MTUS2: variants seen among roughly 807,000 people sequenced by gnomAD.
The protein encoded by MTUS2 is microtubule-associated tumor suppressor candidate 2.
In MTUS2, 40 loss-of-function variants were observed where a neutral mutation model predicts 114.1. That is an observed-to-expected ratio of 0.35 (90% CI 0.27 to 0.46). MTUS2 has a LOEUF of 0.46. Among genes scored for constraint, MTUS2 ranks in the 20% least tolerant of loss-of-function variants. The pLI is 1.00. For missense variants in MTUS2, 1,679 were observed against 1,705.4 expected, an observed-to-expected ratio of 0.98 and a Z score of 0.27; for synonymous variants, 688 against 672.0, an observed-to-expected ratio of 1.02 and a Z score of -0.37.
At chr13:29,061,587 C>T (rs1489693108) in intron 4 of MTUS2, among the ~76,000 whole-genome samples, 4 of 46,720 alleles carry the variant, frequency 8.6e-5, no homozygotes, top group Non-Finnish European at 1.7e-4. Flanking sequence ...GCTGCCTTGA[C>T]CTCCCCAAAC....
At chr13:29,007,128 G>T (rs1196967102) in intron 2 of MTUS2, among the ~76,000 whole-genome samples, 1 of 152,024 alleles carries the variant, frequency 6.6e-6, no homozygotes, top group Non-Finnish European at 1.5e-5. Flanking sequence ...AAATCACAAG[G>T]TAGATTTTTT....
chr13:29,132,100 G>T (rs1453276767), intron 5 of MTUS2, among the ~76,000 whole-genome samples: 1 of 152,212 alleles, frequency 6.6e-6, no homozygotes, highest in Non-Finnish European at 1.5e-5. Flanking sequence ...CAGAACTCTG[G>T]AATGAGTACG....
At chr13:29,238,180 C>G (rs565989933) in intron 5 of MTUS2, among the ~76,000 whole-genome samples, 2 of 152,030 alleles carry the variant, frequency 1.3e-5, no homozygotes, top group Non-Finnish European at 2.9e-5. Flanking sequence ...TTGACAGATA[C>G]GTGAATTAAA....
chr13:29,395,995 C>A (rs1873889020), intron 8 of MTUS2, among the ~76,000 whole-genome samples: 1 of 152,144 alleles, frequency 6.6e-6, no homozygotes, highest in Admixed American at 6.5e-5. Flanking sequence ...CAATTTTGGG[C>A]TTCATGAAAC....
At chr13:29,261,563 A>C (rs964142280) in intron 5 of MTUS2, among the ~76,000 whole-genome samples, 11 of 152,224 alleles carry the variant, frequency 7.2e-5, no homozygotes, top group African/African-American at 2.4e-4. Flanking sequence ...AACAGAAAAA[A>C]TCCAAGCTAC....
chr13:29,225,429 G>A (rs1259661001), intron 5 of MTUS2, among the ~76,000 whole-genome samples: 10 of 152,080 alleles, frequency 6.6e-5, no homozygotes, highest in East Asian at 1.9e-4. Context: ...CTATCACAAC[G>A]GGGCAATTGT....
intron 8 of MTUS2, among the ~76,000 whole-genome samples, chr13:29,399,885 G>A (rs1874194287): frequency 6.6e-6 from 1 of 152,182 alleles, no homozygotes; most frequent in African/African-American, 2.4e-5. Context: ...AGTTAAAAAG[G>A]AATAATGAAG....
intron 5 of MTUS2, among the ~76,000 whole-genome samples, chr13:29,180,103 CTT>C (rs1157228809): frequency 6.6e-6 from 1 of 152,144 alleles, no homozygotes; most frequent in East Asian, 1.9e-4. Flanking sequence ...TTTTTAATGA[CTT>C]TGAATATTTC....
chr13:29,181,802 G>A (rs1206343248), intron 5 of MTUS2, among the ~76,000 whole-genome samples: 3 of 151,664 alleles, frequency 2.0e-5, no homozygotes, highest in African/African-American at 4.9e-5. Flanking sequence ...GTGTGTGTGT[G>A]TGTGTGTGTG....
intron 5 of MTUS2, among the ~76,000 whole-genome samples, chr13:29,193,749 A>C (rs988860987): frequency 1.3e-5 from 2 of 152,124 alleles, no homozygotes; most frequent in African/African-American, 4.8e-5. Context: ...ACTACTTTAA[A>C]GTTCATGTGG....
At chr13:28,892,527 T>C (rs1878993610) in intron 2 of MTUS2, among the ~76,000 whole-genome samples, 1 of 152,204 alleles carries the variant, frequency 6.6e-6, no homozygotes, top group Admixed American at 6.5e-5. Flanking sequence ...TTACCCACAT[T>C]ATTAAAAAAA....
intron 5 of MTUS2, among the ~76,000 whole-genome samples, chr13:29,244,449 G>C (rs1386751834): frequency 1.3e-5 from 2 of 152,090 alleles, no homozygotes; most frequent in Non-Finnish European, 2.9e-5. Context: ...AGAAGCAAGT[G>C]AGGGCAGAGG....
intron 7 of MTUS2, among the ~76,000 whole-genome samples, chr13:29,333,846 A>G (rs1384745341): frequency 1.3e-5 from 2 of 152,138 alleles, no homozygotes; most frequent in Non-Finnish European, 2.9e-5. Flanking sequence ...GTCTCTAAGA[A>G]CTTATTTTAT....
intron 2 of MTUS2, among the ~76,000 whole-genome samples, chr13:28,848,325 T>C (rs564042522): frequency 4.6e-5 from 7 of 152,326 alleles, no homozygotes; most frequent in Admixed American, 4.6e-4. Flanking sequence ...GCCCCTTTTC[T>C]CCATCCTTCC....
At chr13:29,281,964 G>T in intron 6 of MTUS2, 99 bp downstream of exon 6, 1 of 1,283,154 alleles carries the variant, frequency 7.8e-7, no homozygotes, top group Non-Finnish European at 1.1e-6. Context: ...TTATTTAGAA[G>T]GGATGATTGA....
chr13:29,250,642 G>A (rs944624148), intron 5 of MTUS2: 2 of 151,930 alleles, frequency 1.3e-5, no homozygotes, highest in Admixed American at 6.6e-5. Flanking sequence ...ATTTCACAGG[G>A]GAGAGGGAAT....
At chr13:29,448,117 G>A (rs1325085293) in intron 9 of MTUS2, among the ~76,000 whole-genome samples, 1 of 152,146 alleles carries the variant, frequency 6.6e-6, no homozygotes, top group Non-Finnish European at 1.5e-5. Context: ...TGACATCACA[G>A]TCACATTGTG....
intron 4 of MTUS2, among the ~76,000 whole-genome samples, chr13:29,086,264 G>C (rs182009120): frequency 1.3e-5 from 2 of 152,180 alleles, no homozygotes; most frequent in Non-Finnish European, 2.9e-5. Flanking sequence ...TTGTTTTGCT[G>C]TGCAGAAGAT....
chr13:29,057,666 T>C (rs1888201689), intron 4 of MTUS2, among the ~76,000 whole-genome samples: 1 of 152,172 alleles, frequency 6.6e-6, no homozygotes. Flanking sequence ...TTTCTTCCTC[T>C]CTTTACTTTG....
Sources: allele counts gnomAD v4.1 joint callset (sites outside exome capture counted in the v4.1 genomes callset), GRCh38; gene constraint gnomAD v4.1.1; transcripts MANE v1.5; gene names NCBI Gene and HGNC (gene_info 2026-07-23, HGNC 2026-07-21).